Variants in C22orf42 observed in about 807,000 individuals in gnomAD.
The protein encoded by C22orf42 is uncharacterized protein C22orf42.
A neutral mutation model predicts 31.4 loss-of-function variants in C22orf42; 24 were observed. The observed-to-expected ratio is 0.77, with a 90% CI of 0.55 to 1.08. The LOEUF (loss-of-function observed/expected upper bound fraction) is 1.08. Ranked by LOEUF, C22orf42 falls within the 50% of genes least tolerant of loss-of-function variation. C22orf42 has a pLI of 0.00. For missense variants in C22orf42, 276 were observed against 327.3 expected, an observed-to-expected ratio of 0.84 and a Z score of 1.21; for synonymous variants, 96 against 112.7, an observed-to-expected ratio of 0.85 and a Z score of 0.94.
In C22orf42 at chr22:32,150,593, G is replaced by A. The variant is rs2094111219; in HGVS notation, c.494-114C>T. 1.9e-5 allele frequency: 19 copies of A among 995,532 alleles called. No homozygotes were observed. The South Asian group carries it at 2.5e-4, about 13-fold the overall frequency. The allele number at this position is 995,532 out of a possible 1,614,324, so 61.7% of individuals were successfully genotyped here. ...GTGCAGGTGGGCGGTTGACAGGCAT[G>A]GACTGAGCTGCTGCTGGACCATTCT... On this transcript the variant is annotated intron_variant, in intron 6 of 8. Coordinates refer to ENST00000382097, the MANE Select transcript of C22orf42 (RefSeq NM_001010859.3).
intron 2 of C22orf42, among the ~76,000 whole-genome samples, chr22:32,154,015 TCACACACACACA>T (rs111234718): frequency 6.8e-6 from 1 of 146,844 alleles, no homozygotes; most frequent in Admixed American, 6.8e-5. Flanking sequence ...TGAGACCTTT[TCACACACACACA>T]CACACACACA....
At chr22:32,151,359 G>T in intron 5 of C22orf42, 128 bp downstream of exon 5, 1 of 881,326 alleles carries the variant, frequency 1.1e-6, no homozygotes, top group Non-Finnish European at 1.8e-6. Flanking sequence ...TCCAGTGACC[G>T]GTCGCTAGAG....
Position 32,149,530 on chromosome 22 carries a change from A to G in C22orf42, c.*10T>C. On this transcript the variant is annotated 3_prime_UTR_variant, in exon 9 of 9. Transcript: ENST00000382097. ...ATGGCAGGCGTCTGTAATCCCAGCTACTTGGAACACTAAAGCCGGAGAAGT... is the reference window on the plus strand; with the variant it reads ...ATGGCAGGCGTCTGTAATCCCAGCTGCTTGGAACACTAAAGCCGGAGAAGT... 1 of 1,531,586 alleles carries G rather than the reference A, an allele frequency of 6.5e-7. No individual in the cohort carries two copies. The highest frequency in any genetic ancestry group is 1.2e-5 in the South Asian group (1 of 81,286). 94.9% of individuals were successfully genotyped at this position (1,531,586 alleles called of 1,614,324 possible).
intron 8 of C22orf42, 65 bp downstream of exon 8, chr22:32,149,688 C>CATATCT (rs374254447): frequency 4.4e-4 from 525 of 1,197,008 alleles, no homozygotes; most frequent in Admixed American, 1.4e-3. Context: ...TGTATATCTA[C>CATATCT]ATATCTATAT....
Position 32,152,187 on chromosome 22 carries a change from A to T in C22orf42, c.373-93T>A, listed in dbSNP as rs577642158. The T allele has an allele frequency of 1.9e-5, 28 of 1,466,114 alleles. No homozygotes were observed. The African/African-American group carries it at 3.0e-4, about 16-fold the overall frequency. 90.8% of individuals were successfully genotyped at this position (1,466,114 alleles called of 1,614,324 possible). A position where few individuals can be genotyped will look rare whatever the true frequency, so the allele number is the denominator to read the frequency against. ...CCTTTTATTCACTTGGTGAAATAAA[A>T]AACCGGATGTGAAACAGTGATCAAG... On this transcript the variant is annotated intron_variant, in intron 3 of 8. Transcript: ENST00000382097.
At position 32,158,979 on chromosome 22, in the gene C22orf42, T is replaced by C. The variant is rs748080257; in HGVS notation, c.232+5A>G. On this transcript the variant is annotated splice_donor_5th_base_variant and intron_variant, in intron 1 of 8. Coordinates refer to ENST00000382097, the MANE Select transcript of C22orf42 (RefSeq NM_001010859.3). ...GAGAGCAAATGGCACCCATGGCTTC[T>C]TTACCTTTGGACATCTTCAGCATCT... is the stretch of plus-strand genomic sequence containing the variant. The C allele has an allele frequency of 2.7e-5, 44 of 1,614,038 alleles. No individual in the cohort carries two copies. Among genetic ancestry groups the C allele is most frequent in the Non-Finnish European group, 5.1e-6 (6 of 1,180,036 alleles).
In C22orf42 at chr22:32,159,223, C is replaced by T. The variant is rs769417520; in HGVS notation, c.-8G>A. 6.2e-7 allele frequency: 1 copy of T among 1,611,710 alleles called. No individual in the cohort carries two copies. Reference sequence around the variant, plus strand: ...AGTCAGTTTGCTCCCCATTGGGCACCTAAACACACAAAAAAGTCCAAGAGG... The same window carrying T: ...AGTCAGTTTGCTCCCCATTGGGCACTTAAACACACAAAAAAGTCCAAGAGG... On this transcript the variant is annotated 5_prime_UTR_variant, in exon 1 of 9. Coordinates refer to ENST00000382097, the MANE Select transcript of C22orf42 (RefSeq NM_001010859.3).
rs1920997356 is a variant in C22orf42, at chr22:32,152,099, A to G, written c.373-5T>C. Reference sequence around the variant, plus strand: ...GTGCTTGGCCTCAGGTATTTCCTGCAATAAGAGAAAAGAAAAAGAAACACC... The same window carrying G: ...GTGCTTGGCCTCAGGTATTTCCTGCGATAAGAGAAAAGAAAAAGAAACACC... On this transcript the variant is annotated splice_region_variant and splice_polypyrimidine_tract_variant and intron_variant, in intron 3 of 8. Transcript: ENST00000382097. The G allele has an allele frequency of 1.2e-6, 2 of 1,606,004 alleles. No individual in the cohort carries two copies. Among genetic ancestry groups the G allele is most frequent in the African/African-American group, 2.7e-5 (2 of 74,108 alleles).
chr22:32,154,015 TCACACA>T (rs111234718), intron 2 of C22orf42, among the ~76,000 whole-genome samples: 4 of 146,946 alleles, frequency 2.7e-5, no homozygotes, highest in South Asian at 2.2e-4. Context: ...TGAGACCTTT[TCACACA>T]CACACACACA....
Position 32,150,521 on chromosome 22 carries a change from G to A in C22orf42, c.494-42C>T, listed in dbSNP as rs189710834. 3 of 1,606,684 alleles carry A rather than the reference G, an allele frequency of 1.9e-6. No homozygotes were observed. In the African/African-American group the frequency reaches 4.0e-5, roughly 21 times the overall value. ...ACAGTCAGTGCATTGGTGCTGCTGA[G>A]GAATCCCACAAGGAGCCTTGGGGGA... is the stretch of plus-strand genomic sequence containing the variant. On this transcript the variant is annotated intron_variant, in intron 6 of 8. Coordinates refer to ENST00000382097, the MANE Select transcript of C22orf42 (RefSeq NM_001010859.3).
chr22:32,151,619 G>T, intron 4 of C22orf42, 68 bp from the exon 5 acceptor site: 3 of 1,499,450 alleles, frequency 2.0e-6, no homozygotes, highest in Non-Finnish European at 2.8e-6. Context: ...AGCCCTGGGG[G>T]ATGTGGACCG....
chr22:32,159,760 C>T (rs1921491455), upstream of C22orf42: 1 of 164,372 alleles, frequency 6.1e-6, no homozygotes. Context: ...CACAGCAACT[C>T]CTAGAGCCCT....
chr22:32,159,521 G>T, upstream of C22orf42: 1 of 1,231,564 alleles, frequency 8.1e-7, no homozygotes, highest in Non-Finnish European at 1.0e-6. Context: ...GAGCTTTCCA[G>T]TCCTGAGAAA....
Position 32,149,518 on chromosome 22 carries a change from G to A in C22orf42, c.*22C>T. The A allele has an allele frequency of 6.6e-7, 1 of 1,520,842 alleles. No homozygotes were observed. Among genetic ancestry groups the A allele is most frequent in the Non-Finnish European group, 8.9e-7 (1 of 1,127,642 alleles). 94.2% of individuals were successfully genotyped at this position (1,520,842 alleles called of 1,614,324 possible). On this transcript the variant is annotated 3_prime_UTR_variant, in exon 9 of 9. Transcript: ENST00000382097. Reference sequence around the variant, plus strand: ...GAGCTGGGCGTGATGGCAGGCGTCTGTAATCCCAGCTACTTGGAACACTAA... The same window carrying A: ...GAGCTGGGCGTGATGGCAGGCGTCTATAATCCCAGCTACTTGGAACACTAA...
chr22:32,149,338 T>A lies in C22orf42; in HGVS notation c.*202A>T, dbSNP rs1017091279. 16 of 486,846 alleles carry A rather than the reference T, an allele frequency of 3.3e-5. No homozygotes were observed. The highest frequency in any genetic ancestry group is 3.2e-4 in the African/African-American group (16 of 50,736). 30.2% of individuals were successfully genotyped at this position (486,846 alleles called of 1,614,324 possible). Reference sequence around the variant, plus strand: ...TTCTTCTGCATGGTGACTGAGAATGTGAGCCTCAGAATGAAATGTAAGAAC... The same window carrying A: ...TTCTTCTGCATGGTGACTGAGAATGAGAGCCTCAGAATGAAATGTAAGAAC... On this transcript the variant is annotated 3_prime_UTR_variant, in exon 9 of 9. Transcript: ENST00000382097.
intron 3 of C22orf42, 102 bp from the exon 4 acceptor site, chr22:32,152,196 G>A (rs1007212329): frequency 1.5e-6 from 2 of 1,377,598 alleles, no homozygotes; most frequent in African/African-American, 2.9e-5. Context: ...AAAACCGGAT[G>A]TGAAACAGTG....
intron 1 of C22orf42, among the ~76,000 whole-genome samples, chr22:32,158,128 C>CT (rs1460827148): frequency 3.5e-5 from 5 of 142,922 alleles, no homozygotes; most frequent in African/African-American, 1.5e-4. Context: ...TAAGTAAATG[C>CT]TTCTCTCCTG....
intron 1 of C22orf42, among the ~76,000 whole-genome samples, chr22:32,157,292 A>G (rs1319835253): frequency 6.6e-6 from 1 of 151,874 alleles, no homozygotes; most frequent in Non-Finnish European, 1.5e-5. Context: ...GGACATTCTC[A>G]CACAGCCGCT....
intron 1 of C22orf42, among the ~76,000 whole-genome samples, chr22:32,158,225 G>C (rs547047495): frequency 6.6e-6 from 1 of 152,148 alleles, no homozygotes; most frequent in Non-Finnish European, 1.5e-5. Context: ...TGATGACTGC[G>C]ACTTGAATGA....
Sources: gnomAD v4.1 joint callset for allele counts (sites outside exome capture counted in the v4.1 genomes callset) on GRCh38, gnomAD v4.1.1 for gene constraint, MANE v1.5 for transcripts, NCBI Gene and HGNC (gene_info 2026-07-23, HGNC 2026-07-21) for gene names.